Variants in MEIKIN observed in about 807,000 individuals in gnomAD.
MEIKIN encodes meiotic kinetochore factor.
At chr5:131,835,214 ATATATATGTGTATATATATG>A (rs1272483206) in intron 11 of MEIKIN, among the ~76,000 whole-genome samples, 6 of 151,272 alleles carry the variant, frequency 4.0e-5, no homozygotes, top group East Asian at 3.9e-4. Flanking sequence ...ATATGTGTGT[ATATATATGTGTATATATATG>A]TATATATGTG....
At chr5:131,927,478 T>C (rs1751606381) in intron 5 of MEIKIN, among the ~76,000 whole-genome samples, 1 of 152,202 alleles carries the variant, frequency 6.6e-6, no homozygotes, top group Non-Finnish European at 1.5e-5. Context: ...GTTAGGTCCA[T>C]GTTGTCTATA....
intron 9 of MEIKIN, among the ~76,000 whole-genome samples, chr5:131,863,555 TCC>T: frequency 8.5e-6 from 1 of 117,060 alleles, no homozygotes; most frequent in Non-Finnish European, 1.8e-5. Flanking sequence ...ACCTTCTTTG[TCC>T]TTTTTTTTTT....
At chr5:131,921,071 T>C (rs1373960178) in intron 6 of MEIKIN, among the ~76,000 whole-genome samples, 3 of 152,052 alleles carry the variant, frequency 2.0e-5, no homozygotes, top group East Asian at 3.9e-4. Flanking sequence ...CAAAATAACA[T>C]CAGTAATCTG....
At chr5:131,906,873 A>T (rs1221947962) in intron 8 of MEIKIN, among the ~76,000 whole-genome samples, 2 of 152,132 alleles carry the variant, frequency 1.3e-5, no homozygotes, top group Non-Finnish European at 1.5e-5. Context: ...TGAGGGTGAG[A>T]GGAGGGTGAC....
chr5:131,829,953 C>T (rs559636453), intron 11 of MEIKIN, among the ~76,000 whole-genome samples: 2 of 152,168 alleles, frequency 1.3e-5, no homozygotes, highest in Non-Finnish European at 1.5e-5. Flanking sequence ...AAGAAGCCAC[C>T]TAGTTTGTGG....
intron 9 of MEIKIN, among the ~76,000 whole-genome samples, chr5:131,865,183 T>G (rs1750361368): frequency 6.6e-6 from 1 of 151,674 alleles, no homozygotes; most frequent in Non-Finnish European, 1.5e-5. Context: ...CCAAGCTTCT[T>G]TAGTATCAAA....
intron 6 of MEIKIN, among the ~76,000 whole-genome samples, chr5:131,919,447 T>C (rs1233605685): frequency 6.6e-6 from 1 of 152,190 alleles, no homozygotes; most frequent in Admixed American, 6.5e-5. Context: ...GCAGTATTGT[T>C]GATGGTGGCA....
chr5:131,839,252 G>A (rs1010025745), intron 11 of MEIKIN, among the ~76,000 whole-genome samples: 1 of 152,144 alleles, frequency 6.6e-6, no homozygotes, highest in African/African-American at 2.4e-5. Flanking sequence ...TGCATTTGCT[G>A]AGGAGTGCTT....
At chr5:131,874,312 A>AT (rs1750567539) in intron 9 of MEIKIN, among the ~76,000 whole-genome samples, 1 of 152,214 alleles carries the variant, frequency 6.6e-6, no homozygotes, top group African/African-American at 2.4e-5. Flanking sequence ...GATAAAGGGG[A>AT]TATCACCACC....
chr5:131,929,729 CT>C (rs979535250), intron 5 of MEIKIN, among the ~76,000 whole-genome samples: 7 of 152,270 alleles, frequency 4.6e-5, no homozygotes, highest in African/African-American at 1.7e-4. Flanking sequence ...CTGTTCCCTT[CT>C]TTGTGTCCAT....
chr5:131,875,838 T>C (rs558237338), intron 9 of MEIKIN, among the ~76,000 whole-genome samples: 11 of 152,096 alleles, frequency 7.2e-5, no homozygotes, highest in Admixed American at 2.6e-4. Flanking sequence ...AGAAATAATG[T>C]CGCATATCTA....
chr5:131,918,739 G>C (rs1214449149), intron 6 of MEIKIN, among the ~76,000 whole-genome samples: 1 of 152,164 alleles, frequency 6.6e-6, no homozygotes, highest in Non-Finnish European at 1.5e-5. Flanking sequence ...GAAGTCAGCT[G>C]GGAATTTCTG....
At chr5:131,893,064 G>A (rs576711418) in intron 8 of MEIKIN, among the ~76,000 whole-genome samples, 156 of 152,344 alleles carry the variant, frequency 1.0e-3, no homozygotes, top group African/African-American at 3.3e-3. Context: ...CTGTCTGATC[G>A]TTCCTCTGGA....
chr5:131,813,587 C>T (rs1189653603), intron 12 of MEIKIN, among the ~76,000 whole-genome samples: 4 of 151,940 alleles, frequency 2.6e-5, no homozygotes, highest in Non-Finnish European at 5.9e-5. Context: ...CCACCATGCC[C>T]GGCTAATTTT....
rs149521395 is a variant in MEIKIN, at chr5:131,821,407, A to G, written c.976-2544T>C. 1.6e-3 allele frequency among the ~76,000 whole-genome samples: 240 copies of G among 152,188 alleles called. 1 individual carries two copies. Among genetic ancestry groups the G allele is most frequent in the African/African-American group, 5.6e-3 (232 of 41,528 alleles). ...TGAGTGTTTTAAGACTCATTTTGTG[A>G]CCCAACACATGGCCTGTCCTTTGAG... is the stretch of plus-strand genomic sequence containing the variant. On this transcript the variant is annotated intron_variant, in intron 11 of 12. Coordinates refer to ENST00000442687, the MANE Select transcript of MEIKIN (RefSeq NM_001303622.2).
chr5:131,878,814 G>A (rs1022429423), intron 9 of MEIKIN, 164 bp downstream of exon 9: 5 of 370,996 alleles, frequency 1.3e-5, no homozygotes, highest in African/African-American at 1.0e-4. Flanking sequence ...GTTCAAGGCT[G>A]TAGTGAGCTA....
intron 12 of MEIKIN, among the ~76,000 whole-genome samples, chr5:131,815,859 G>A (rs866358192): frequency 2.6e-5 from 4 of 152,254 alleles, no homozygotes; most frequent in African/African-American, 9.6e-5. Context: ...ATGACCATCT[G>A]AAGTGCCTGC....
intron 8 of MEIKIN, among the ~76,000 whole-genome samples, chr5:131,901,688 A>G (rs1751159318): frequency 6.6e-6 from 1 of 152,154 alleles, no homozygotes; most frequent in Non-Finnish European, 1.5e-5. Flanking sequence ...GCCTGATACC[A>G]GCCCCACAGA....
chr5:131,809,345 A>G (rs2149599530), intron 12 of MEIKIN, among the ~76,000 whole-genome samples: 1 of 152,308 alleles, frequency 6.6e-6, no homozygotes. Context: ...CTTTATCCCC[A>G]AGGCACTGGC....
Sources: allele counts gnomAD v4.1 joint callset (sites outside exome capture counted in the v4.1 genomes callset), GRCh38; gene constraint gnomAD v4.1.1; transcripts MANE v1.5; gene names NCBI Gene and HGNC (gene_info 2026-07-23, HGNC 2026-07-21).